Variants in CASP10 observed in about 807,000 individuals in gnomAD.
CASP10 encodes caspase-10.
CASP10 carries 41 observed loss-of-function variants against 48.5 expected under a neutral mutation model. The observed-to-expected ratio is 0.85, with a 90% CI of 0.66 to 1.10. The LOEUF is 1.10. CASP10 is among the 50% of genes least tolerant of loss of function. The pLI, the probability that CASP10 is intolerant of heterozygous loss-of-function variation, is 0.00. For missense variants in CASP10, 614 were observed against 614.5 expected (o/e 1.00, Z 0.01); for synonymous variants, 232 against 238.4 (o/e 0.97, Z 0.25).
intron 5 of CASP10, among the ~76,000 whole-genome samples, chr2:201,201,072 T>A (rs937164999): frequency 2.0e-5 from 3 of 152,116 alleles, no homozygotes; most frequent in Admixed American, 6.6e-5. Flanking sequence ...TTATTTATTT[T>A]TTTGAGATGG....
At position 201,220,298 on chromosome 2, in the gene CASP10, C is replaced by A; in HGVS notation, c.*2557C>A. ...GCCAGAAAGAGAAGAGAGTAAAATA[C>A]AGATAAGACAGCTCTGGCATAGAGG... is the stretch of plus-strand genomic sequence containing the variant. On this transcript the variant is annotated 3_prime_UTR_variant, in exon 10 of 10. Coordinates refer to ENST00000286186, the MANE Select transcript of CASP10 (RefSeq NM_032977.4). The A allele has an allele frequency of 3.9e-6, 1 of 257,476 alleles. No individual in the cohort carries two copies. The highest frequency in any genetic ancestry group is 6.0e-6 in the Non-Finnish European group (1 of 166,074). The allele number at this position is 257,476 out of a possible 1,614,324, so 15.9% of individuals were successfully genotyped here.
At position 201,195,985 on chromosome 2, in the gene CASP10, C is replaced by T. The variant is rs113038818; in HGVS notation, c.684+37C>T. The T allele has an allele frequency of 9.9e-5, 139 of 1,402,990 alleles. 1 individual carries two copies. The highest frequency in any genetic ancestry group is 8.6e-4 in the South Asian group (75 of 86,786). The allele number at this position is 1,402,990 out of a possible 1,614,324, so 86.9% of individuals were successfully genotyped here. A position where few individuals can be genotyped will look rare whatever the true frequency, so the allele number is the denominator to read the frequency against. Reference sequence around the variant, plus strand: ...GGTGTGCTGGTCAATGCTTAACAACCGGCTCCACCCTCCAACCTCCCCTCC... The same window carrying T: ...GGTGTGCTGGTCAATGCTTAACAACTGGCTCCACCCTCCAACCTCCCCTCC... On this transcript the variant is annotated intron_variant, in intron 5 of 9. Coordinates refer to ENST00000286186, the MANE Select transcript of CASP10 (RefSeq NM_032977.4).
intron 3 of CASP10, among the ~76,000 whole-genome samples, chr2:201,188,135 A>G (rs2126009169): frequency 6.6e-6 from 1 of 152,324 alleles, no homozygotes; most frequent in African/African-American, 2.4e-5. Flanking sequence ...TTGGTATAGC[A>G]TTCAGTAAAT....
chr2:201,183,866 T>C (rs1446998906), intron 1 of CASP10, among the ~76,000 whole-genome samples: 4 of 138,678 alleles, frequency 2.9e-5, no homozygotes, highest in Non-Finnish European at 6.4e-5. Flanking sequence ...CTTTATTTAT[T>C]TATTTATTTA....
At chr2:201,211,966 T>G (rs905061605) in intron 9 of CASP10, among the ~76,000 whole-genome samples, 1 of 152,148 alleles carries the variant, frequency 6.6e-6, no homozygotes, top group Non-Finnish European at 1.5e-5. Context: ...ATTTTTATTT[T>G]TTTTTAGACA....
At position 201,218,084 on chromosome 2, in the gene CASP10, T is replaced by A; in HGVS notation, c.*343T>A. 1 of 754,124 alleles carries A rather than the reference T, an allele frequency of 1.3e-6. No individual in the cohort carries two copies. The highest frequency in any genetic ancestry group is 1.8e-6 in the Non-Finnish European group (1 of 565,376). 46.7% of individuals were successfully genotyped at this position (754,124 alleles called of 1,614,324 possible). A position where few individuals can be genotyped will look rare whatever the true frequency, so the allele number is the denominator to read the frequency against. ...GTGTACCACCGTGCCCGGATTTTTT[T>A]TATTCTTTATTTTTTGTAGAGATGG... On this transcript the variant is annotated 3_prime_UTR_variant, in exon 10 of 10. Coordinates refer to ENST00000286186, the MANE Select transcript of CASP10 (RefSeq NM_032977.4).
downstream of CASP10, among the ~76,000 whole-genome samples, chr2:201,222,829 T>C (rs1013143434): frequency 1.3e-5 from 2 of 152,194 alleles, no homozygotes; most frequent in African/African-American, 4.8e-5. Flanking sequence ...CAACCCTTAA[T>C]CAATAATGAT....
chr2:201,226,261 T>C (rs1025803490), downstream of CASP10, among the ~76,000 whole-genome samples: 5 of 152,192 alleles, frequency 3.3e-5, no homozygotes, highest in Admixed American at 1.3e-4. Context: ...CACAGTGAGA[T>C]AGCATTTTAT....
rs1945703526 is a variant in CASP10 at position 201,220,839 on chromosome 2, G to A, written c.*3098G>A. 1 of 985,338 alleles carries A rather than the reference G, an allele frequency of 1.0e-6. No homozygotes were observed. The highest frequency in any genetic ancestry group is 1.2e-6 in the Non-Finnish European group (1 of 829,962). 61.0% of individuals were successfully genotyped at this position (985,338 alleles called of 1,614,324 possible). On this transcript the variant is annotated 3_prime_UTR_variant, in exon 10 of 10. Coordinates refer to ENST00000286186, the MANE Select transcript of CASP10 (RefSeq NM_032977.4). ...CCAGTTGGCAGAACTGACATGTGAAGGCAAGTGAAGGATGGTGAGATACTG... is the reference window on the plus strand; with the variant it reads ...CCAGTTGGCAGAACTGACATGTGAAAGCAAGTGAAGGATGGTGAGATACTG...
intron 5 of CASP10, among the ~76,000 whole-genome samples, chr2:201,203,143 A>T (rs1031606723): frequency 6.6e-6 from 1 of 152,034 alleles, no homozygotes; most frequent in Admixed American, 6.6e-5. Flanking sequence ...ATCACTTCCT[A>T]TTGGTGGACA....
chr2:201,184,190 T>C (rs1179880647), intron 1 of CASP10, among the ~76,000 whole-genome samples: 1 of 152,146 alleles, frequency 6.6e-6, no homozygotes, highest in Non-Finnish European at 1.5e-5. Context: ...AAATTTAGTA[T>C]GTAGAATACC....
intron 5 of CASP10, among the ~76,000 whole-genome samples, chr2:201,199,624 A>T (rs2126030842): frequency 7.7e-6 from 1 of 130,406 alleles, no homozygotes; most frequent in East Asian, 2.2e-4. Context: ...ACCCAGGCTG[A>T]AGTACAGTGG....
rs576049653 is a variant in CASP10, at chr2:201,218,319, C to G, written c.*578C>G. On this transcript the variant is annotated 3_prime_UTR_variant, in exon 10 of 10. Coordinates refer to ENST00000286186, the MANE Select transcript of CASP10 (RefSeq NM_032977.4). ...GCTTTGGTTTGTGCAGGTACTTTTT[C>G]TTTGAGACAGAGTCACTCCGTCACC... 2.1e-5 allele frequency: 21 copies of G among 993,420 alleles called. No homozygotes were observed. In the African/African-American group the frequency reaches 3.5e-4, roughly 17 times the overall value. 61.5% of individuals were successfully genotyped at this position (993,420 alleles called of 1,614,324 possible). A position where few individuals can be genotyped will look rare whatever the true frequency, so the allele number is the denominator to read the frequency against.
At chr2:201,196,856 C>A (rs191278564) in intron 5 of CASP10, among the ~76,000 whole-genome samples, 1 of 152,146 alleles carries the variant, frequency 6.6e-6, no homozygotes, top group Non-Finnish European at 1.5e-5. Flanking sequence ...CCCTCCAACC[C>A]CTGGAAACCA....
At chr2:201,204,753 C>G (rs1319951415) in intron 6 of CASP10, among the ~76,000 whole-genome samples, 1 of 152,214 alleles carries the variant, frequency 6.6e-6, no homozygotes, top group Admixed American at 6.5e-5. Flanking sequence ...CTGCTTCACC[C>G]CTCTGAAGAA....
At position 201,209,202 on chromosome 2, in the gene CASP10, T is replaced by C. The variant is rs1559309199; in HGVS notation, c.1055T>C (p.Val352Ala). The C allele has an allele frequency of 6.2e-7, 1 of 1,613,576 alleles. No individual in the cohort carries two copies. The highest frequency in any genetic ancestry group is 8.5e-7 in the Non-Finnish European group (1 of 1,179,548). ...GCCCATGCCGACGGGGACTGCTTCG[T>C]GTTCTGTATTCTGACCCATGGGAGA... ...NPAHADGDCF[V>A]FCILTHGRFG... Residue 352 changes from valine (V) to alanine (A), a missense_variant, in exon 9 of 10, where the codon GTG (valine) becomes GCG (alanine). Transcript: ENST00000286186.
chr2:201,194,380 G>C lies in CASP10; in HGVS notation c.577+1261G>C, dbSNP rs528276912. Among the ~76,000 whole-genome samples, 86 of 152,232 alleles carry C rather than the reference G, an allele frequency of 5.6e-4. 2 individuals are homozygous for C. In the South Asian group the frequency reaches 0.018, roughly 31 times the overall value. On this transcript the variant is annotated intron_variant, in intron 4 of 9. Coordinates refer to ENST00000286186, the MANE Select transcript of CASP10 (RefSeq NM_032977.4). ...AATTTCTTGGTTGAAAATGAAACTA[G>C]CTAAGAGGAAATGTCTGTCTAAGAA...
intron 5 of CASP10, among the ~76,000 whole-genome samples, chr2:201,198,988 T>A (rs1430079913): frequency 6.6e-6 from 1 of 152,240 alleles, no homozygotes; most frequent in Non-Finnish European, 1.5e-5. Flanking sequence ...ACCTATGTAC[T>A]GTTTTCCTAG....
At chr2:201,184,735 T>C (rs1944353003) in intron 1 of CASP10, among the ~76,000 whole-genome samples, 1 of 152,260 alleles carries the variant, frequency 6.6e-6, no homozygotes, top group African/African-American at 2.4e-5. Flanking sequence ...GAAAATTTTA[T>C]CACTGCATTG....
Sources: gnomAD v4.1 joint callset for allele counts (sites outside exome capture counted in the v4.1 genomes callset) on GRCh38, gnomAD v4.1.1 for gene constraint, MANE v1.5 for transcripts, NCBI Gene and HGNC (gene_info 2026-07-23, HGNC 2026-07-21) for gene names.